LHFPL3: variants seen among roughly 807,000 people sequenced by gnomAD.
The protein encoded by LHFPL3 is LHFPL tetraspan subfamily member 3 protein.
Under a neutral mutation model 19.3 loss-of-function variants are expected in LHFPL3, and 5 were observed. The ratio of observed to expected loss-of-function variants is 0.26; its 90% CI spans 0.14 to 0.54. LHFPL3 has a LOEUF of 0.54. LHFPL3 is among the 20% of genes least tolerant of loss of function. The pLI, the probability that LHFPL3 is intolerant of heterozygous loss-of-function variation, is 0.94. For synonymous variants in LHFPL3, 133 were observed against 126.2 expected, an observed-to-expected ratio of 1.05 and a Z score of -0.36; for missense variants, 249 against 307.4, an observed-to-expected ratio of 0.81 and a Z score of 1.42.
At chr7:104,722,055 A>C (rs1160075368) in intron 1 of LHFPL3, among the ~76,000 whole-genome samples, 1 of 152,064 alleles carries the variant, frequency 6.6e-6, no homozygotes, top group Non-Finnish European at 1.5e-5. Flanking sequence ...TTGGGTATTA[A>C]CCCTTAAAAT....
chr7:104,461,529 T>C (rs1394754583), intron 1 of LHFPL3, among the ~76,000 whole-genome samples: 1 of 152,196 alleles, frequency 6.6e-6, no homozygotes, highest in African/African-American at 2.4e-5. Context: ...TGCAGCCTTA[T>C]TTTGGGGCTC....
chr7:104,886,477 G>A (rs867650279), intron 2 of LHFPL3, among the ~76,000 whole-genome samples: 1 of 152,136 alleles, frequency 6.6e-6, no homozygotes, highest in Admixed American at 6.5e-5. Context: ...CAATTCTCCT[G>A]CCTCAGCCTC....
chr7:104,509,408 G>A (rs1454847684), intron 1 of LHFPL3, among the ~76,000 whole-genome samples: 4 of 152,032 alleles, frequency 2.6e-5, no homozygotes, highest in African/African-American at 9.7e-5. Context: ...CTTATTCCAA[G>A]GATGCAAAGC....
intron 1 of LHFPL3, among the ~76,000 whole-genome samples, chr7:104,587,198 C>G (rs1182125581): frequency 3.9e-5 from 6 of 152,116 alleles, no homozygotes; most frequent in Non-Finnish European, 4.4e-5. Flanking sequence ...TATACATGTG[C>G]CATGTTGGTG....
chr7:104,635,601 TA>T (rs914427432), intron 1 of LHFPL3, among the ~76,000 whole-genome samples: 2 of 152,108 alleles, frequency 1.3e-5, no homozygotes, highest in African/African-American at 4.8e-5. Context: ...AATATGAAAG[TA>T]GAAAAAAACA....
intron 1 of LHFPL3, among the ~76,000 whole-genome samples, chr7:104,409,572 T>A (rs1048316855): frequency 6.6e-6 from 1 of 151,902 alleles, no homozygotes; most frequent in Non-Finnish European, 1.5e-5. Flanking sequence ...GCTGTGACCA[T>A]GCCACTGCAC....
At chr7:104,715,297 G>A (rs893794644) in intron 1 of LHFPL3, among the ~76,000 whole-genome samples, 1 of 152,224 alleles carries the variant, frequency 6.6e-6, no homozygotes, top group South Asian at 2.1e-4. Context: ...AAGGAGTTCA[G>A]AGAAGCATTC....
intron 1 of LHFPL3, among the ~76,000 whole-genome samples, chr7:104,439,096 A>G (rs1229171457): frequency 6.6e-6 from 1 of 152,232 alleles, no homozygotes; most frequent in Non-Finnish European, 1.5e-5. Flanking sequence ...TTTATTAACA[A>G]CAATTCCCTT....
At chr7:104,539,862 A>AT (rs1172971109) in intron 1 of LHFPL3, among the ~76,000 whole-genome samples, 2 of 152,158 alleles carry the variant, frequency 1.3e-5, no homozygotes, top group Non-Finnish European at 2.9e-5. Flanking sequence ...TGCTGTTGTT[A>AT]TGAAACTTTC....
At chr7:104,669,161 T>C (rs1792422462) in intron 1 of LHFPL3, 1 of 1,613,406 alleles carries the variant, frequency 6.2e-7, no homozygotes, top group Non-Finnish European at 8.5e-7. Context: ...CTAAAGGTAA[T>C]GCCAGCCCCT....
intron 1 of LHFPL3, among the ~76,000 whole-genome samples, chr7:104,438,292 G>A (rs1293775114): frequency 1.4e-5 from 2 of 144,422 alleles, no homozygotes; most frequent in African/African-American, 5.7e-5. Flanking sequence ...TTTCACATGT[G>A]GTGTTTTCTC....
At chr7:104,758,787 C>A (rs1794327445) in intron 2 of LHFPL3, among the ~76,000 whole-genome samples, 1 of 152,012 alleles carries the variant, frequency 6.6e-6, no homozygotes, top group African/African-American at 2.4e-5. Context: ...CAAGGAGGGG[C>A]TTCTTTCTGT....
rs545111575 is a variant in LHFPL3 at position 104,350,320 on chromosome 7, A to G, written c.445+21096A>G. On this transcript the variant is annotated intron_variant, in intron 1 of 2. Transcript: ENST00000424859. The stretch of plus-strand genomic sequence containing the variant: ...TGTCTCTATCATTGTAGCAAGTTCT[A>G]TTGGACAGAACCGTCAGAGAAGCAA... Among the ~76,000 whole-genome samples the G allele has an allele frequency of 5.6e-4, 85 of 152,286 alleles. No individual in the cohort carries two copies. The South Asian group carries it at 0.017, about 30-fold the overall frequency.
At chr7:104,879,539 G>A (rs1376926318) in intron 2 of LHFPL3, among the ~76,000 whole-genome samples, 2 of 152,096 alleles carry the variant, frequency 1.3e-5, no homozygotes, top group Non-Finnish European at 2.9e-5. Flanking sequence ...AGGCAATGTG[G>A]CAAGATCCCA....
At chr7:104,679,709 C>A (rs1276584102) in intron 1 of LHFPL3, among the ~76,000 whole-genome samples, 2 of 152,120 alleles carry the variant, frequency 1.3e-5, no homozygotes, top group African/African-American at 4.8e-5. Flanking sequence ...TAATTTTGTA[C>A]CTGACACTTT....
intron 2 of LHFPL3, among the ~76,000 whole-genome samples, chr7:104,740,501 C>T (rs933409157): frequency 1.3e-5 from 2 of 152,170 alleles, no homozygotes; most frequent in Admixed American, 1.3e-4. Context: ...TGTTCTCACG[C>T]TGCTAATAAA....
chr7:104,551,412 A>G (rs2115909637), intron 1 of LHFPL3, among the ~76,000 whole-genome samples: 1 of 152,126 alleles, frequency 6.6e-6, no homozygotes, highest in South Asian at 2.1e-4. Flanking sequence ...TCTGTATGCA[A>G]AGACTGACAT....
At chr7:104,848,680 C>T (rs1005894359) in intron 2 of LHFPL3, among the ~76,000 whole-genome samples, 1 of 152,060 alleles carries the variant, frequency 6.6e-6, no homozygotes, top group African/African-American at 2.4e-5. Flanking sequence ...GAAAGGAGTC[C>T]TATGGGCTGC....
intron 2 of LHFPL3, among the ~76,000 whole-genome samples, chr7:104,835,229 T>G (rs1791068129): frequency 6.6e-6 from 1 of 152,008 alleles, no homozygotes; most frequent in Non-Finnish European, 1.5e-5. Context: ...AATGAGTTAA[T>G]TCTCATAAAG....
Sources: gnomAD v4.1 joint callset for allele counts (sites outside exome capture counted in the v4.1 genomes callset) on GRCh38, gnomAD v4.1.1 for gene constraint, MANE v1.5 for transcripts, NCBI Gene and HGNC (gene_info 2026-07-23, HGNC 2026-07-21) for gene names.